The following CENPN variants were observed in gnomAD, a reference collection of about 807,000 sequenced individuals.
CENPN encodes centromere protein N, also known as interphase centromere complex protein 32.
Under a neutral mutation model 48.6 loss-of-function variants are expected in CENPN, and 36 were observed. That is an observed-to-expected ratio of 0.74 (90% CI 0.57 to 0.98). The LOEUF is 0.98. CENPN is among the 50% of genes least tolerant of loss of function. CENPN has a pLI of 0.00. For synonymous variants in CENPN, 166 were observed against 135.2 expected, an observed-to-expected ratio of 1.23 and a Z score of -1.58; for missense variants, 439 against 399.2, an observed-to-expected ratio of 1.10 and a Z score of -0.85.
rs1970496754 is a variant in CENPN, at chr16:81,026,446, G to A, written c.698-80G>A. 7 of 588,198 alleles carry A rather than the reference G, an allele frequency of 1.2e-5. No individual in the cohort carries two copies. In the East Asian group the frequency reaches 2.0e-4, roughly 17 times the overall value. The allele number at this position is 588,198 out of a possible 1,614,324, so 36.4% of individuals were successfully genotyped here. A position where few individuals can be genotyped will look rare whatever the true frequency, so the allele number is the denominator to read the frequency against. Reference sequence around the variant, plus strand: ...TTTAAAATTATACAAACAATTCGAAGGGTTAGGAATGAAAGGAGGATAATT... The same window carrying A: ...TTTAAAATTATACAAACAATTCGAAAGGTTAGGAATGAAAGGAGGATAATT... On this transcript the variant is annotated intron_variant, in intron 8 of 10. Coordinates refer to ENST00000305850, the MANE Select transcript of CENPN (RefSeq NM_001100624.3).
intron 3 of CENPN, among the ~76,000 whole-genome samples, chr16:81,016,618 C>A (rs978627965): frequency 1.3e-5 from 2 of 152,098 alleles, no homozygotes; most frequent in Non-Finnish European, 2.9e-5. Flanking sequence ...AAAAAATTAG[C>A]CAGGCGTTGT....
At chr16:81,008,188 C>G (rs568964040) in intron 1 of CENPN, among the ~76,000 whole-genome samples, 1 of 152,076 alleles carries the variant, frequency 6.6e-6, no homozygotes, top group South Asian at 2.1e-4. Context: ...ATTGGTGAGA[C>G]TGAGGGCGCT....
In CENPN at chr16:81,030,011, G is replaced by A. The variant is rs906969205; in HGVS notation, c.*1360G>A. On this transcript the variant is annotated 3_prime_UTR_variant, in exon 11 of 11. Transcript: ENST00000305850. ...GAAGCAAAGTCATGTCTTACATGGC[G>A]GCAGGCAAGAGAGCTTGTGCAGGGA... is the stretch of plus-strand genomic sequence containing the variant. Among the ~76,000 whole-genome samples, 37 of 152,248 alleles carry A rather than the reference G, an allele frequency of 2.4e-4. No homozygotes were observed. Among genetic ancestry groups the A allele is most frequent in the African/African-American group, 5.5e-4 (23 of 41,548 alleles).
intron 10 of CENPN, 113 bp downstream of exon 10, chr16:81,028,410 ATCCTGCTCTC>A: frequency 6.7e-7 from 1 of 1,484,758 alleles, no homozygotes; most frequent in Non-Finnish European, 9.2e-7. Flanking sequence ...CTGCTAGCCC[ATCCTGCTCTC>A]TCTTGCATCT....
rs1184965142 is a variant in CENPN at position 81,029,332 on chromosome 16, C to G, written c.*681C>G. On this transcript the variant is annotated 3_prime_UTR_variant, in exon 11 of 11. Coordinates refer to ENST00000305850, the MANE Select transcript of CENPN (RefSeq NM_001100624.3). Reference sequence around the variant, plus strand: ...AACTGGCACATCAGTTAATTTTGATCAAAGTACTTCAGTGATCATCACTAA... The same window carrying G: ...AACTGGCACATCAGTTAATTTTGATGAAAGTACTTCAGTGATCATCACTAA... 1 of 942,812 alleles carries G rather than the reference C, an allele frequency of 1.1e-6. No individual in the cohort carries two copies. Among genetic ancestry groups the G allele is most frequent in the African/African-American group, 1.8e-5 (1 of 56,358 alleles). 58.4% of individuals were successfully genotyped at this position (942,812 alleles called of 1,614,324 possible). A position where few individuals can be genotyped will look rare whatever the true frequency, so the allele number is the denominator to read the frequency against.
At chr16:81,022,922 G>A in intron 7 of CENPN, 1 of 1,560,232 alleles carries the variant, frequency 6.4e-7, no homozygotes, top group Non-Finnish European at 8.7e-7. Context: ...AGTCACTGGA[G>A]TCTGTGTTGT....
Position 81,028,676 on chromosome 16 carries a change from GCTC to G in CENPN, c.*31_*33del. 1 of 1,599,930 alleles carries G rather than the reference GCTC, an allele frequency of 6.3e-7. No homozygotes were observed. The highest frequency in any genetic ancestry group is 8.5e-7 in the Non-Finnish European group (1 of 1,176,484). On this transcript the variant is annotated 3_prime_UTR_variant, in exon 11 of 11. Transcript: ENST00000305850. The stretch of plus-strand genomic sequence containing the variant: ...AGACGTGCGTGGTTTCTTAAGCACA[GCTC>G]CTCCTTCTTGATATTGCACATGCAC...
At chr16:81,024,454 T>C (rs912532703) in intron 7 of CENPN, 3 of 249,520 alleles carry the variant, frequency 1.2e-5, no homozygotes, top group Admixed American at 5.4e-5. Flanking sequence ...AATGCTTCCG[T>C]AGATTCCCTG....
chr16:81,028,263 T>C lies in CENPN; in HGVS notation c.903T>C (p.His301=), dbSNP rs1970601854. ...LRCLIKFSSP[H]LLEALKSLAP... ...GCCTAATAAAGTTCTCTAGCCCACA[T>C]CTTCTGGAAGCATTGAAATCCTTAG... Residue 301 remains histidine, a synonymous_variant, in exon 10 of 11, where the codon CAT becomes CAC. Coordinates refer to ENST00000305850, the MANE Select transcript of CENPN (RefSeq NM_001100624.3). 1 of 1,614,126 alleles carries C rather than the reference T, an allele frequency of 6.2e-7. No individual in the cohort carries two copies. The highest frequency in any genetic ancestry group is 8.5e-7 in the Non-Finnish European group (1 of 1,179,966).
At chr16:81,009,351 G>C (rs1351278769) in intron 1 of CENPN, among the ~76,000 whole-genome samples, 1 of 152,218 alleles carries the variant, frequency 6.6e-6, no homozygotes, top group Non-Finnish European at 1.5e-5. Flanking sequence ...ACATGTGCAG[G>C]AAGAACCTTC....
chr16:81,011,792 T>A, intron 1 of CENPN, 138 bp from the exon 2 acceptor site: 1 of 651,004 alleles, frequency 1.5e-6, no homozygotes, highest in South Asian at 2.3e-5. Context: ...TGCTTGAGCC[T>A]AAGAGTTCAA....
At chr16:81,020,558 TAAGA>T (rs1220237868) in intron 6 of CENPN, 1 of 265,578 alleles carries the variant, frequency 3.8e-6, no homozygotes, top group Non-Finnish European at 7.0e-6. Context: ...TCTCCTAAAA[TAAGA>T]AACAGAGTGT....
intron 6 of CENPN, among the ~76,000 whole-genome samples, chr16:81,020,826 A>T (rs1413859582): frequency 1.3e-5 from 2 of 152,178 alleles, no homozygotes; most frequent in Non-Finnish European, 2.9e-5. Context: ...CGCGGTGCTC[A>T]TGTCTGTAAT....
chr16:81,007,596 T>C (rs1420856207), intron 1 of CENPN, among the ~76,000 whole-genome samples: 1 of 152,186 alleles, frequency 6.6e-6, no homozygotes, highest in Non-Finnish European at 1.5e-5. Flanking sequence ...GTTGCTTCCT[T>C]TCCCAGAGTT....
rs13331094 is a variant in CENPN at position 81,028,503 on chromosome 16, C to G, written c.938-66C>G. 5,875 of 1,583,748 alleles carry G rather than the reference C, an allele frequency of 3.7e-3. 152 individuals carry two copies. In the African/African-American group the frequency reaches 0.064, roughly 17 times the overall value. ...CTAATCTCAGCCATTTTTAAACTGA[C>G]TCAAATCCATCCTCCTGTGATGACT... On this transcript the variant is annotated intron_variant, in intron 10 of 10. Coordinates refer to ENST00000305850, the MANE Select transcript of CENPN (RefSeq NM_001100624.3).
In CENPN at chr16:81,014,917, A is replaced by G. The variant is rs561374110; in HGVS notation, c.217+736A>G. On this transcript the variant is annotated intron_variant, in intron 3 of 10. Transcript: ENST00000305850. ...TTCAGTACAGCATTTAGTAAGTTAC[A>G]TGAGGTATGCAACAGTTTATGATAG... Among the ~76,000 whole-genome samples the G allele has an allele frequency of 2.7e-4, 41 of 152,316 alleles. No homozygotes were observed. The South Asian group carries it at 7.0e-3, about 26-fold the overall frequency.
downstream of CENPN, among the ~76,000 whole-genome samples, chr16:81,031,785 T>C (rs1970790678): frequency 6.6e-6 from 1 of 152,184 alleles, no homozygotes. Flanking sequence ...GTATTTTTAG[T>C]AGAGACAGGG....
intron 7 of CENPN, chr16:81,023,071 A>C: frequency 2.1e-6 from 1 of 485,302 alleles, no homozygotes; most frequent in Non-Finnish European, 3.6e-6. Flanking sequence ...CCATCACTCA[A>C]GCAGGTTATA....
chr16:81,020,814 G>T (rs1376953850), intron 6 of CENPN, among the ~76,000 whole-genome samples: 2 of 152,186 alleles, frequency 1.3e-5, no homozygotes, highest in African/African-American at 4.8e-5. Flanking sequence ...GGGTAGGCCA[G>T]GCGCGGTGCT....
Sources: allele counts gnomAD v4.1 joint callset (sites outside exome capture counted in the v4.1 genomes callset), GRCh38; gene constraint gnomAD v4.1.1; transcripts MANE v1.5; gene names NCBI Gene and HGNC (gene_info 2026-07-23, HGNC 2026-07-21).